The following HMCN1 variants were observed in gnomAD, a reference collection of about 807,000 sequenced individuals.
HMCN1 encodes the protein hemicentin 1.
In HMCN1, 321 loss-of-function variants were observed where a neutral mutation model predicts 625.9. That is an observed-to-expected ratio of 0.51 (90% CI 0.47 to 0.56). HMCN1 has a LOEUF of 0.56. HMCN1 is among the 20% of genes least tolerant of loss of function. The pLI is 0.00. For missense variants in HMCN1, 6,588 were observed against 6,887.3 expected (o/e 0.96, Z 1.54); for synonymous variants, 2,425 against 2,417.6 (o/e 1.00, Z -0.09).
intron 1 of HMCN1, among the ~76,000 whole-genome samples, chr1:185,797,735 G>A (rs1026059464): frequency 2.0e-5 from 3 of 146,418 alleles, no homozygotes. Flanking sequence ...GGGAGGCCGA[G>A]GCGGGCGGAT....
chr1:186,016,825 C>T (rs1654400121), intron 32 of HMCN1, 138 bp from the exon 33 acceptor site: 1 of 689,030 alleles, frequency 1.5e-6, no homozygotes, highest in Non-Finnish European at 2.7e-6. Context: ...ATTTACAATG[C>T]ATTTCAAGTC....
chr1:186,138,059 T>C lies in HMCN1; in HGVS notation c.13924+87T>C, dbSNP rs117650377. On this transcript the variant is annotated intron_variant, in intron 89 of 106. Transcript: ENST00000271588. ...AATTACATTTGCCTTTTCTTCTTCA[T>C]TGTAAAAAGATGTTATGGCCTCTAC... The C allele has an allele frequency of 3.6e-3, 5,054 of 1,418,696 alleles. 82 individuals carry two copies. The highest frequency in any genetic ancestry group is 0.027 in the African/African-American group (1,916 of 70,610). 87.9% of individuals were successfully genotyped at this position (1,418,696 alleles called of 1,614,324 possible).
chr1:185,948,547 A>T (rs1414017450), intron 11 of HMCN1, among the ~76,000 whole-genome samples: 1 of 151,256 alleles, frequency 6.6e-6, no homozygotes, highest in East Asian at 1.9e-4. Flanking sequence ...TTCACAAGGT[A>T]ATGTCATCAC....
intron 105 of HMCN1, among the ~76,000 whole-genome samples, chr1:186,186,994 T>TCACACACACACA (rs371455899): frequency 0.013 from 1,729 of 134,500 alleles, 29 homozygotes; most frequent in East Asian, 0.048. Context: ...TGTCTCTGTC[T>TCACACACACACA]CACACACACA....
intron 12 of HMCN1, 143 bp downstream of exon 12, chr1:185,962,802 G>GTCAAATGTCAA (rs2102558431): frequency 1.5e-6 from 1 of 661,110 alleles, no homozygotes; most frequent in Admixed American, 2.4e-5. Context: ...AACAGGCTAT[G>GTCAAATGTCAA]AATGTCAAAA....
At chr1:186,009,986 G>A (rs1432212165) in intron 30 of HMCN1, among the ~76,000 whole-genome samples, 2 of 152,030 alleles carry the variant, frequency 1.3e-5, no homozygotes, top group Non-Finnish European at 2.9e-5. Context: ...AATAGAGTTC[G>A]CGCTCCTATG....
At chr1:185,824,703 A>T (rs1336381452) in intron 1 of HMCN1, among the ~76,000 whole-genome samples, 2 of 152,172 alleles carry the variant, frequency 1.3e-5, no homozygotes, top group Non-Finnish European at 2.9e-5. Flanking sequence ...TTCAATTCTA[A>T]GCAATCTGTC....
intron 4 of HMCN1, among the ~76,000 whole-genome samples, chr1:185,869,466 G>C (rs1012660879): frequency 3.9e-5 from 6 of 152,036 alleles, no homozygotes; most frequent in African/African-American, 1.4e-4. Flanking sequence ...CTTTTAAAGT[G>C]GGGAAAACTG....
At chr1:185,984,336 T>C (rs371335753) in intron 19 of HMCN1, 23 bp downstream of exon 19, 10 of 1,612,856 alleles carry the variant, frequency 6.2e-6, no homozygotes, top group African/African-American at 5.3e-5. Context: ...CCCAATGTTA[T>C]TGTTTCGAAA....
chr1:186,112,429 G>A (rs969833599), intron 71 of HMCN1, among the ~76,000 whole-genome samples: 4 of 152,224 alleles, frequency 2.6e-5, no homozygotes, highest in African/African-American at 7.2e-5. Context: ...AGGACAGCCT[G>A]TTTCCACATG....
intron 4 of HMCN1, among the ~76,000 whole-genome samples, chr1:185,876,136 T>C (rs1663915004): frequency 6.6e-6 from 1 of 152,070 alleles, no homozygotes; most frequent in Admixed American, 6.6e-5. Flanking sequence ...TATTGTTTAG[T>C]TCCCACTTGC....
intron 7 of HMCN1, 86 bp downstream of exon 7, chr1:185,922,585 G>A: frequency 7.8e-7 from 1 of 1,283,324 alleles, no homozygotes; most frequent in East Asian, 2.6e-5. Context: ...TTATAATTTT[G>A]TAGTATTCAA....
intron 9 of HMCN1, 106 bp downstream of exon 9, chr1:185,925,297 T>TTCCAGACTATGTAGCA: frequency 1.8e-6 from 2 of 1,099,714 alleles, no homozygotes; most frequent in Non-Finnish European, 2.7e-6. Context: ...ACTTGCTACA[T>TTCCAGACTATGTAGCA]AGTCTGGAAT....
chr1:185,948,913 TG>T (rs1294931730), intron 11 of HMCN1, among the ~76,000 whole-genome samples: 1 of 151,626 alleles, frequency 6.6e-6, no homozygotes, highest in African/African-American at 2.4e-5. Flanking sequence ...GGAGGTCTTG[TG>T]GTAAGGGGTG....
chr1:185,899,288 G>T (rs946199875), intron 4 of HMCN1, among the ~76,000 whole-genome samples: 1 of 151,952 alleles, frequency 6.6e-6, no homozygotes, highest in Admixed American at 6.6e-5. Context: ...TCCTGGAAAA[G>T]AATAAAAATT....
Position 186,087,315 on chromosome 1 carries a change from T to A in HMCN1, c.9145T>A (p.Ser3049Thr). Residue 3049 changes from serine to threonine, a missense_variant, in exon 59 of 107, where the codon TCC becomes ACC. By Grantham distance (58) the Ser-to-Thr change is moderately conservative. This residue lies in a region of HMCN1 where 4,628 missense variants were observed against 4,853.1 expected (regional missense o/e 0.95). Coordinates refer to ENST00000271588, the MANE Select transcript of HMCN1 (RefSeq NM_031935.3). ...AGCTGGCGAAAGCAAGAAAAAGTTT[T>A]CCCTGACTGTTTATGGTTCGTTTTT... The part of the protein sequence containing the change: ...NQAGESKKKF[S>T]LTVYVPPSIK... 1 of 1,612,614 alleles carries A rather than the reference T, an allele frequency of 6.2e-7. No individual in the cohort carries two copies. Among genetic ancestry groups the A allele is most frequent in the Non-Finnish European group, 8.5e-7 (1 of 1,178,868 alleles).
chr1:186,004,735 T>C (rs1012608155), intron 29 of HMCN1, among the ~76,000 whole-genome samples: 2 of 152,144 alleles, frequency 1.3e-5, no homozygotes, highest in Non-Finnish European at 2.9e-5. Context: ...TGTTAAAATT[T>C]GATGCACATA....
intron 46 of HMCN1, among the ~76,000 whole-genome samples, chr1:186,059,314 C>A (rs893015662): frequency 6.6e-6 from 1 of 152,026 alleles, no homozygotes; most frequent in Admixed American, 6.6e-5. Context: ...AAATTATATT[C>A]ATCTTTCTGG....
chr1:186,103,166 T>G (rs958067875), intron 68 of HMCN1, among the ~76,000 whole-genome samples: 1 of 152,012 alleles, frequency 6.6e-6, no homozygotes, highest in Admixed American at 6.6e-5. Context: ...CTGCGTTTGG[T>G]TTTTATTGTT....
Sources: allele counts gnomAD v4.1 joint callset (sites outside exome capture counted in the v4.1 genomes callset), GRCh38; gene constraint gnomAD v4.1.1; regional missense constraint gnomAD v4.1.1; transcripts MANE v1.5; gene names NCBI Gene and HGNC (gene_info 2026-07-23, HGNC 2026-07-21).